The following ATP2B2 variants were observed in gnomAD, a reference collection of about 807,000 sequenced individuals.
ATP2B2 encodes plasma membrane calcium-transporting ATPase 2.
Under a neutral mutation model 120.0 loss-of-function variants are expected in ATP2B2, and 15 were observed. The ratio of observed to expected loss-of-function variants is 0.12; its 90% CI spans 0.08 to 0.19. The LOEUF (loss-of-function observed/expected upper bound fraction) is 0.19. Among genes scored for constraint, ATP2B2 ranks in the 10% least tolerant of loss-of-function variants. The probability of loss-of-function intolerance (pLI) is 1.00; values close to 1 mark genes in which losing one functional copy is unlikely to be tolerated. For synonymous variants in ATP2B2, 694 were observed against 700.3 expected (o/e 0.99, Z 0.14); for missense variants, 1,045 against 1,719.8 (o/e 0.61, Z 6.94).
intron 1 of ATP2B2, among the ~76,000 whole-genome samples, chr3:10,476,944 T>A (rs2065227272): frequency 6.6e-6 from 1 of 152,194 alleles, no homozygotes; most frequent in Non-Finnish European, 1.5e-5. Context: ...CAGAGGCTCA[T>A]CTGCTTGGGC....
Position 10,375,181 on chromosome 3 carries a change from G to A in ATP2B2, c.1416+249C>T, listed in dbSNP as rs1056198717. ...TGCTGGGCCTGCACCCCTGCAAGGC[G>A]GCGTGTGGCTGGGCTGAATAACAGC... On this transcript the variant is annotated intron_variant, in intron 11 of 22. Transcript: ENST00000360273. The surrounding 1 kb of genome is among the most constrained non-coding windows in gnomAD (Gnocchi z 4.2). Among the ~76,000 whole-genome samples, 3 of 152,230 alleles carry A rather than the reference G, an allele frequency of 2.0e-5. No individual in the cohort carries two copies. Among genetic ancestry groups the A allele is most frequent in the African/African-American group, 4.8e-5 (2 of 41,450 alleles).
rs1037161536 is a variant in ATP2B2, at chr3:10,409,921, T to C, written c.397+697A>G. Among the ~76,000 whole-genome samples, 71 of 152,178 alleles carry C rather than the reference T, an allele frequency of 4.7e-4. 1 individual carries two copies. Among genetic ancestry groups the C allele is most frequent in the Admixed American group, 4.6e-3 (71 of 15,278 alleles). On this transcript the variant is annotated intron_variant, in intron 3 of 22. Transcript: ENST00000360273. ...ATATCCTACTGACTGAAAAAGCAGA[T>C]TATAAAACAGATCAGCCTGCACAGA...
chr3:10,346,146 G>T lies in ATP2B2; in HGVS notation c.2405-9C>A. Reference sequence around the variant, plus strand: ...TGTGCTGTCGATGATGCCTGTTGGGGCAGGAGTGTGCTCAGGCCCTGGGCC... The same window carrying T: ...TGTGCTGTCGATGATGCCTGTTGGGTCAGGAGTGTGCTCAGGCCCTGGGCC... On this transcript the variant is annotated splice_polypyrimidine_tract_variant and intron_variant, in intron 16 of 22. Transcript: ENST00000360273. This position sits in a 1 kb window ranked among gnomAD's most constrained non-coding sequence, Gnocchi z 4.1. The T allele has an allele frequency of 6.2e-7, 1 of 1,608,598 alleles. No individual in the cohort carries two copies.
Position 10,355,945 on chromosome 3 carries a change from G to T in ATP2B2, c.2136+2746C>A, listed in dbSNP as rs1196379493. On this transcript the variant is annotated intron_variant, in intron 14 of 22. Transcript: ENST00000360273. Reference sequence around the variant, plus strand: ...AAAAAATTAGCCGGGCGTGGTAGCGGGCGCCTGTAGTCCCAGCTACTCGGG... The same window carrying T: ...AAAAAATTAGCCGGGCGTGGTAGCGTGCGCCTGTAGTCCCAGCTACTCGGG... 1.2e-4 allele frequency among the ~76,000 whole-genome samples: 9 copies of T among 76,272 alleles called. 2 individuals carry two copies. Among genetic ancestry groups the T allele is most frequent in the East Asian group, 0.024 (1 of 42 alleles). 50.0% of individuals were successfully genotyped at this position (76,272 alleles called of 152,430 possible).
rs934489028 is a variant in ATP2B2 at position 10,602,043 on chromosome 3, C to T, written c.-415+17874G>A. On this transcript the variant is annotated intron_variant, in intron 2 of 21. Transcript: ENST00000646379. ...TGAAGAAGGCCCAGGATGTCCTCCC[C>T]GCGCCTGCAGAGGAAGAGCTGAGGC... Among the ~76,000 whole-genome samples the T allele has an allele frequency of 5.8e-4, 89 of 152,230 alleles. 1 individual carries two copies. Among genetic ancestry groups the T allele is most frequent in the Non-Finnish European group, 1.2e-3 (79 of 68,042 alleles).
chr3:10,369,394 G>A lies in ATP2B2; in HGVS notation c.1659+2415C>T, dbSNP rs951569310. On this transcript the variant is annotated intron_variant, in intron 12 of 22. Coordinates refer to ENST00000360273, the MANE Select transcript of ATP2B2 (RefSeq NM_001001331.4). The stretch of plus-strand genomic sequence containing the variant: ...CCAGACCTTTCTTCCCAAGCAGACC[G>A]TAGGCTAGAGGTGCTGCAGGGTTGG... 3.9e-5 allele frequency among the ~76,000 whole-genome samples: 6 copies of A among 152,128 alleles called. 1 individual carries two copies. The highest frequency in any genetic ancestry group is 1.9e-4 in the East Asian group (1 of 5,194).
rs2070008713 is a variant in ATP2B2 at position 10,635,889 on chromosome 3, A to G, written c.-459-15928T>C. ...GGCTGCAGTGGCGGCTGCAAGTGTC[A>G]CTCCCAGGCCTTCCTGCTGAGCCTC... On this transcript the variant is annotated intron_variant, in intron 1 of 21. Coordinates refer to the ATP2B2 transcript ENST00000646379. This position sits in a 1 kb window ranked among gnomAD's most constrained non-coding sequence, Gnocchi z 4.3. 6.6e-6 allele frequency among the ~76,000 whole-genome samples: 1 copy of G among 151,866 alleles called. No homozygotes were observed. Among genetic ancestry groups the G allele is most frequent in the African/African-American group, 2.4e-5 (1 of 41,326 alleles).
At chr3:10,473,443 C>T (rs534506957) in intron 1 of ATP2B2, among the ~76,000 whole-genome samples, 32 of 152,292 alleles carry the variant, frequency 2.1e-4, no homozygotes, top group Non-Finnish European at 4.4e-4. Context: ...ACCAGCCTGG[C>T]CAACATGGTG....
intron 2 of ATP2B2, among the ~76,000 whole-genome samples, chr3:10,569,904 G>A (rs759032266): frequency 6.6e-4 from 100 of 152,310 alleles, no homozygotes; most frequent in Non-Finnish European, 1.1e-3. Flanking sequence ...TATTTGGCCA[G>A]AAGTCTTTAG....
intron 1 of ATP2B2, among the ~76,000 whole-genome samples, chr3:10,636,424 G>A (rs1169899817): frequency 1.3e-5 from 2 of 152,190 alleles, no homozygotes; most frequent in African/African-American, 4.8e-5. Context: ...GGGGCTGGAT[G>A]TCTAAGACCC....
At chr3:10,499,489 T>G (rs1439515092) in intron 1 of ATP2B2, among the ~76,000 whole-genome samples, 1 of 152,208 alleles carries the variant, frequency 6.6e-6, no homozygotes, top group East Asian at 1.9e-4. Context: ...ATTTGTAAAG[T>G]GCTTGCGGAC....
chr3:10,539,969 T>A (rs111972423), intron 2 of ATP2B2, among the ~76,000 whole-genome samples: 4,056 of 152,028 alleles, frequency 0.027, 78 homozygotes, highest in Middle Eastern at 0.088. Context: ...AATCTACCCA[T>A]CCGAAAAAGG....
chr3:10,512,485 C>CG (rs2066789396), intron 3 of ATP2B2, among the ~76,000 whole-genome samples: 1 of 150,480 alleles, frequency 6.6e-6, no homozygotes, highest in Non-Finnish European at 1.5e-5. Flanking sequence ...CACACACACA[C>CG]ACACACACAC....
intron 8 of ATP2B2, among the ~76,000 whole-genome samples, chr3:10,380,125 A>C (rs139016236): frequency 5.9e-5 from 9 of 152,312 alleles, no homozygotes; most frequent in South Asian, 2.1e-4. Flanking sequence ...ATCCCCTTCC[A>C]TACCAGGGCC....
At chr3:10,337,261 G>T (rs2060143636) in intron 22 of ATP2B2, among the ~76,000 whole-genome samples, 1 of 152,196 alleles carries the variant, frequency 6.6e-6, no homozygotes, top group Non-Finnish European at 1.5e-5. Flanking sequence ...TGCTACATCG[G>T]ATGGAAATGA....
At chr3:10,457,928 C>G (rs611288) in intron 1 of ATP2B2, among the ~76,000 whole-genome samples, 1 of 152,006 alleles carries the variant, frequency 6.6e-6, no homozygotes, top group Non-Finnish European at 1.5e-5. Context: ...CTCACCCTCA[C>G]GCCTGGCCTG....
chr3:10,376,820 C>T (rs1575058893), intron 10 of ATP2B2, among the ~76,000 whole-genome samples: 3 of 150,816 alleles, frequency 2.0e-5, no homozygotes, highest in African/African-American at 4.9e-5. Context: ...ATCCTGAAGA[C>T]AGTGGGAGTC....
chr3:10,694,482 A>G (rs536161733), intron 1 of ATP2B2, among the ~76,000 whole-genome samples: 2 of 152,334 alleles, frequency 1.3e-5, no homozygotes, highest in East Asian at 3.9e-4. Context: ...GTGTGTATCA[A>G]TAGTTTGTTC....
chr3:10,424,901 G>A (rs1265028747), intron 2 of ATP2B2, among the ~76,000 whole-genome samples: 12 of 152,162 alleles, frequency 7.9e-5, no homozygotes, highest in Admixed American at 7.2e-4. Context: ...AGGTCTGTAA[G>A]GATCAGCTCA....
Sources: gnomAD v4.1 joint callset for allele counts (sites outside exome capture counted in the v4.1 genomes callset) on GRCh38, gnomAD v4.1.1 for gene constraint, Gnocchi (gnomAD v3.1) non-coding constraint, MANE v1.5 for transcripts, NCBI Gene and HGNC (gene_info 2026-07-23, HGNC 2026-07-21) for gene names.